The following HMGCLL1 variants were observed in gnomAD, a reference collection of about 807,000 sequenced individuals.
HMGCLL1 encodes 3-hydroxy-3-methylglutaryl-CoA lyase like 1.
HMGCLL1 carries 36 observed loss-of-function variants against 39.1 expected under a neutral mutation model. That is an observed-to-expected ratio of 0.92 (90% CI 0.71 to 1.22). The LOEUF (loss-of-function observed/expected upper bound fraction) is 1.22. Among genes scored for constraint, HMGCLL1 ranks in the 50% most tolerant of loss-of-function variants. The probability of loss-of-function intolerance (pLI) is 0.00; values close to 1 mark genes in which losing one functional copy is unlikely to be tolerated. For missense variants in HMGCLL1, 451 were observed against 416.5 expected (o/e 1.08, Z -0.72); for synonymous variants, 149 against 144.0 (o/e 1.03, Z -0.25).
chr6:55,505,225 C>T (rs1310922934), intron 5 of HMGCLL1, among the ~76,000 whole-genome samples: 1 of 151,618 alleles, frequency 6.6e-6, no homozygotes, highest in Non-Finnish European at 1.5e-5. Context: ...ACAATTATCC[C>T]ATGTTCCTCC....
chr6:55,504,574 C>A (rs899077809), intron 5 of HMGCLL1, among the ~76,000 whole-genome samples: 2 of 151,492 alleles, frequency 1.3e-5, no homozygotes, highest in Non-Finnish European at 3.0e-5. Context: ...GGGAATTCTC[C>A]CTATATACTT....
intron 7 of HMGCLL1, among the ~76,000 whole-genome samples, chr6:55,458,632 T>C (rs4286782): frequency 0.56 from 85,572 of 152,014 alleles, 25,722 homozygotes; most frequent in African/African-American, 0.79. Flanking sequence ...GAGGGAGTCA[T>C]GAAGACAGTG....
chr6:55,491,439 G>C (rs540977472), intron 7 of HMGCLL1, among the ~76,000 whole-genome samples: 1 of 152,176 alleles, frequency 6.6e-6, no homozygotes, highest in Admixed American at 6.5e-5. Context: ...GTAAACATAT[G>C]AAAAACATTA....
chr6:55,454,835 G>A (rs1764252516), intron 7 of HMGCLL1, among the ~76,000 whole-genome samples: 1 of 152,212 alleles, frequency 6.6e-6, no homozygotes, highest in African/African-American at 2.4e-5. Flanking sequence ...ATTTACACAT[G>A]TATTCCACCA....
At chr6:55,677,381 AC>A in the HMGCLL1 span, among the ~76,000 whole-genome samples, 5 of 150,680 alleles carry the variant, frequency 3.3e-5, no homozygotes, top group East Asian at 2.0e-4. Flanking sequence ...AACAGAAACA[AC>A]CCCCCCGACA....
intron 1 of HMGCLL1, among the ~76,000 whole-genome samples, chr6:55,578,486 G>A (rs1771861790): frequency 6.6e-6 from 1 of 152,096 alleles, no homozygotes; most frequent in South Asian, 2.1e-4. Flanking sequence ...TGTTCTGATG[G>A]ATTATTTCAT....
the HMGCLL1 span, among the ~76,000 whole-genome samples, chr6:55,633,618 G>C: frequency 6.6e-6 from 1 of 151,988 alleles, no homozygotes; most frequent in Non-Finnish European, 1.5e-5. Flanking sequence ...TCAGACATCA[G>C]GGAATCACTG....
At chr6:55,477,314 A>ATAAT (rs1765447355) in intron 7 of HMGCLL1, among the ~76,000 whole-genome samples, 1 of 16,782 alleles carries the variant, frequency 6.0e-5, no homozygotes, top group African/African-American at 4.5e-4. Flanking sequence ...TTATATATAT[A>ATAAT]ATATATATTA....
At chr6:55,498,800 C>A (rs1489648324) in intron 6 of HMGCLL1, among the ~76,000 whole-genome samples, 1 of 151,978 alleles carries the variant, frequency 6.6e-6, no homozygotes, top group Non-Finnish European at 1.5e-5. Context: ...CACAAAAGGA[C>A]AAGAACACAA....
the HMGCLL1 span, among the ~76,000 whole-genome samples, chr6:55,642,986 G>A: frequency 6.6e-6 from 1 of 151,892 alleles, no homozygotes; most frequent in East Asian, 1.9e-4. Context: ...CTTCTTTATG[G>A]CTGCATATTA....
At chr6:55,626,436 CT>C in the HMGCLL1 span, among the ~76,000 whole-genome samples, 1 of 152,032 alleles carries the variant, frequency 6.6e-6, no homozygotes, top group Non-Finnish European at 1.5e-5. Flanking sequence ...ATTGATAGAA[CT>C]GTGGAATGGC....
chr6:55,542,098 C>A lies in HMGCLL1; in HGVS notation c.151G>T (p.Val51Leu). ...AATCCATCCCTAGGCCCAACTTCTA[C>A]TATTTTAACAAACTCAGGGAGTCCA... ...LSGLPEFVKI[V>L]EVGPRDGLQN... The change falls in exon 2 of 9, where the codon GTA (valine) becomes TTA (leucine). Residue 51 changes from valine to leucine, a missense_variant. Physicochemically the swap from Val to Leu is conservative, Grantham distance 32. Transcript: ENST00000274901. The A allele has an allele frequency of 1.2e-6, 2 of 1,611,284 alleles. No individual in the cohort carries two copies. The highest frequency in any genetic ancestry group is 2.2e-5 in the South Asian group (2 of 90,856).
At chr6:55,525,259 T>C (rs577586393) in intron 3 of HMGCLL1, among the ~76,000 whole-genome samples, 1 of 151,932 alleles carries the variant, frequency 6.6e-6, no homozygotes, top group East Asian at 1.9e-4. Flanking sequence ...AAGGATCACT[T>C]AGAGATCCTC....
chr6:55,572,745 A>G (rs543619873), intron 1 of HMGCLL1, among the ~76,000 whole-genome samples: 3 of 152,322 alleles, frequency 2.0e-5, no homozygotes, highest in Admixed American at 2.0e-4. Context: ...TTTTAAATTT[A>G]ATTTCCTTAT....
the HMGCLL1 span, among the ~76,000 whole-genome samples, chr6:55,646,746 G>T: frequency 2.0e-5 from 3 of 151,868 alleles, no homozygotes; most frequent in African/African-American, 7.2e-5. Context: ...TTCCATTCTG[G>T]TTGGAGAAGA....
chr6:55,642,147 G>C, the HMGCLL1 span, among the ~76,000 whole-genome samples: 1 of 132,696 alleles, frequency 7.5e-6, no homozygotes, highest in Non-Finnish European at 1.6e-5. Context: ...CTATGAGTGA[G>C]AATATGCGGT....
At chr6:55,556,896 A>G (rs1478583511) in intron 1 of HMGCLL1, among the ~76,000 whole-genome samples, 1 of 152,084 alleles carries the variant, frequency 6.6e-6, no homozygotes, top group African/African-American at 2.4e-5. Context: ...TTTCTCCTGG[A>G]AGTTTGATGT....
At chr6:55,600,931 T>C in the HMGCLL1 span, among the ~76,000 whole-genome samples, 1 of 152,128 alleles carries the variant, frequency 6.6e-6, no homozygotes, top group Non-Finnish European at 1.5e-5. Flanking sequence ...AACAAGGAAC[T>C]GTTTATTGAG....
chr6:55,511,639 T>C (rs1048760639), intron 5 of HMGCLL1, among the ~76,000 whole-genome samples: 3 of 152,122 alleles, frequency 2.0e-5, no homozygotes, highest in East Asian at 1.9e-4. Context: ...TGCTGAAGCA[T>C]CTACTGCAGT....
Sources: allele counts gnomAD v4.1 joint callset (sites outside exome capture counted in the v4.1 genomes callset), GRCh38; gene constraint gnomAD v4.1.1; transcripts MANE v1.5; gene names NCBI Gene and HGNC (gene_info 2026-07-23, HGNC 2026-07-21).